The following SCHIP1 variants were observed in gnomAD, a reference collection of about 807,000 sequenced individuals.
The protein encoded by SCHIP1 is schwannomin-interacting protein 1.
SCHIP1 carries 8 observed loss-of-function variants against 29.7 expected under a neutral mutation model. The ratio of observed to expected loss-of-function variants is 0.27; its 90% CI spans 0.16 to 0.49. The LOEUF is 0.49. Ranked by LOEUF, SCHIP1 falls within the 20% of genes least tolerant of loss-of-function variation. SCHIP1 has a pLI of 0.99. For missense variants in SCHIP1, 193 were observed against 294.6 expected, an observed-to-expected ratio of 0.66 and a Z score of 2.52; for synonymous variants, 76 against 94.9, an observed-to-expected ratio of 0.80 and a Z score of 1.16.
chr3:159,886,394 T>C, intron 3 of SCHIP1, 70 bp downstream of exon 4: 1 of 1,397,168 alleles, frequency 7.2e-7, no homozygotes, highest in Non-Finnish European at 1.0e-6. Flanking sequence ...TTTTCTGTTG[T>C]AAGGTGAATC....
the SCHIP1 span, among the ~76,000 whole-genome samples, chr3:159,814,478 C>T: frequency 0.13 from 19,454 of 152,230 alleles, 1,467 homozygotes; most frequent in Middle Eastern, 0.29. Flanking sequence ...ATTCCTCTCG[C>T]GGGTATAGCA....
chr3:159,840,321 C>T (rs577377288), intron 1 of SCHIP1: 4 of 958,388 alleles, frequency 4.2e-6, no homozygotes, highest in Non-Finnish European at 6.4e-6. Flanking sequence ...ATTTTGCCAT[C>T]TTCCGCGCCT....
upstream of SCHIP1, among the ~76,000 whole-genome samples, chr3:159,837,978 A>G (rs9816649): frequency 0.082 from 12,414 of 151,948 alleles, 1,625 homozygotes; most frequent in African/African-American, 0.28. Flanking sequence ...TATGTGACCC[A>G]CCCCTCTCCT....
the SCHIP1 span, among the ~76,000 whole-genome samples, chr3:159,767,429 C>G: frequency 6.6e-6 from 1 of 151,922 alleles, no homozygotes; most frequent in Non-Finnish European, 1.5e-5. Context: ...GCCTGGAGTA[C>G]GTAAGGGAAT....
At chr3:159,392,053 G>C in the SCHIP1 span, among the ~76,000 whole-genome samples, 3 of 152,246 alleles carry the variant, frequency 2.0e-5, no homozygotes, top group East Asian at 3.9e-4. Context: ...AAAAGAGAAA[G>C]GTCCTAAAAG....
At chr3:159,367,056 T>G in the SCHIP1 span, among the ~76,000 whole-genome samples, 1 of 152,166 alleles carries the variant, frequency 6.6e-6, no homozygotes, top group Non-Finnish European at 1.5e-5. Flanking sequence ...TATGAAAATG[T>G]AGTACAGATA....
At chr3:159,474,141 A>T in the SCHIP1 span, among the ~76,000 whole-genome samples, 3 of 152,138 alleles carry the variant, frequency 2.0e-5, no homozygotes, top group Non-Finnish European at 4.4e-5. Context: ...TATCTGTTTG[A>T]TGTCCTAGAG....
At chr3:159,709,969 C>T in the SCHIP1 span, among the ~76,000 whole-genome samples, 2 of 152,060 alleles carry the variant, frequency 1.3e-5, no homozygotes, top group Non-Finnish European at 2.9e-5. Context: ...AAAAGGGAAC[C>T]CTTGCACACT....
chr3:159,874,248 G>T (rs1577471692), intron 2 of SCHIP1, among the ~76,000 whole-genome samples: 1 of 152,130 alleles, frequency 6.6e-6, no homozygotes, highest in East Asian at 1.9e-4. Context: ...AGTGTGCAAT[G>T]GGATGATGTG....
At chr3:159,596,908 T>C in the SCHIP1 span, among the ~76,000 whole-genome samples, 1 of 151,784 alleles carries the variant, frequency 6.6e-6, no homozygotes, top group African/African-American at 2.4e-5. Context: ...GTAACAAACC[T>C]GCATGTTGTG....
chr3:159,731,861 T>A, the SCHIP1 span, among the ~76,000 whole-genome samples: 1 of 152,132 alleles, frequency 6.6e-6, no homozygotes, highest in Admixed American at 6.5e-5. Context: ...TCTTGTGCCT[T>A]ATCCAGGAAT....
chr3:159,383,028 T>C, the SCHIP1 span, among the ~76,000 whole-genome samples: 3,700 of 150,120 alleles, frequency 0.025, 145 homozygotes, highest in African/African-American at 0.086. Flanking sequence ...GATGAGTAGG[T>C]TGAGAAAATT....
the SCHIP1 span, among the ~76,000 whole-genome samples, chr3:159,611,984 A>G: frequency 1.3e-5 from 2 of 152,236 alleles, no homozygotes; most frequent in Non-Finnish European, 2.9e-5. Flanking sequence ...TATAATTTAT[A>G]AAATTCATTA....
intron 2 of SCHIP1, among the ~76,000 whole-genome samples, chr3:159,883,701 C>T (rs1577488497): frequency 6.6e-6 from 1 of 152,294 alleles, no homozygotes; most frequent in Non-Finnish European, 1.5e-5. Flanking sequence ...GAGTAACATT[C>T]TTGGTGATTA....
the SCHIP1 span, among the ~76,000 whole-genome samples, chr3:159,781,045 T>A: frequency 6.6e-6 from 1 of 152,254 alleles, no homozygotes; most frequent in South Asian, 2.1e-4. Context: ...AAATTTTATA[T>A]TTTTAATGTG....
the SCHIP1 span, among the ~76,000 whole-genome samples, chr3:159,816,802 T>G: frequency 3.3e-5 from 5 of 152,326 alleles, no homozygotes; most frequent in East Asian, 9.6e-4. Context: ...TCGTGCTGTC[T>G]CTAGCTTCCA....
chr3:159,377,942 T>C, the SCHIP1 span, among the ~76,000 whole-genome samples: 1 of 152,154 alleles, frequency 6.6e-6, no homozygotes, highest in Non-Finnish European at 1.5e-5. Context: ...CTGTCTTTGG[T>C]AAATTTGCTG....
the SCHIP1 span, among the ~76,000 whole-genome samples, chr3:159,506,240 A>G: frequency 1.3e-5 from 2 of 152,050 alleles, no homozygotes; most frequent in African/African-American, 4.8e-5. Context: ...GCATTTTTTC[A>G]TGTGTCTTTT....
chr3:159,741,080 A>G, the SCHIP1 span, among the ~76,000 whole-genome samples: 1,832 of 152,260 alleles, frequency 0.012, 32 homozygotes, highest in African/African-American at 0.042. Flanking sequence ...AGCTCCCTGA[A>G]GAGAGGTATT....
Sources: gnomAD v4.1 joint callset for allele counts (sites outside exome capture counted in the v4.1 genomes callset) on GRCh38, gnomAD v4.1.1 for gene constraint, MANE v1.5 for transcripts, NCBI Gene and HGNC (gene_info 2026-07-23, HGNC 2026-07-21) for gene names.